ZNF66: variants seen among roughly 807,000 people sequenced by gnomAD.
ZNF66 encodes zinc finger protein 66.
In ZNF66, 32 loss-of-function variants were observed where a neutral mutation model predicts 35.2. That is an observed-to-expected ratio of 0.91 (90% CI 0.69 to 1.22). The LOEUF (loss-of-function observed/expected upper bound fraction) is 1.22, where lower values mean the gene tolerates loss of function less well. Ranked by LOEUF, ZNF66 falls within the 50% of genes most tolerant of loss-of-function variation. The pLI is 0.00. For synonymous variants in ZNF66, 231 were observed against 181.3 expected (o/e 1.27, Z -2.20); for missense variants, 666 against 543.1 (o/e 1.23, Z -2.25).
chr19:20,784,609 T>C (rs1157877778), intron 1 of ZNF66: 3 of 152,166 alleles, frequency 2.0e-5, no homozygotes, highest in Non-Finnish European at 4.4e-5. Flanking sequence ...AAAAGTGTTG[T>C]TTGAAGTTGT....
rs1031037554 is a variant in ZNF66, at chr19:20,809,583, C to T, written c.*2261C>T. Among the ~76,000 whole-genome samples, 2 of 151,514 alleles carry T rather than the reference C, an allele frequency of 1.3e-5. No homozygotes were observed. The highest frequency in any genetic ancestry group is 6.6e-5 in the Admixed American group (1 of 15,214). ...GAATTTCATATCCAGCCAAACTAAG[C>T]TTCATAAGTGAAGGAGAAATAAAAT... On this transcript the variant is annotated 3_prime_UTR_variant, in exon 4 of 4. Transcript: ENST00000344519.
rs1310822963 is a variant in ZNF66 at position 20,808,325 on chromosome 19, CT to C, written c.*1004del. Among the ~76,000 whole-genome samples, 3 of 152,238 alleles carry C rather than the reference CT, an allele frequency of 2.0e-5. No homozygotes were observed. The highest frequency in any genetic ancestry group is 6.5e-5 in the Admixed American group (1 of 15,278). On this transcript the variant is annotated 3_prime_UTR_variant, in exon 4 of 4. Transcript: ENST00000344519. ...GTAACCTCTGCAGACTTAAACGTCC[CT>C]GTCTGACAGCTTTGAAGAGAGTAGT...
At chr19:20,791,661 A>C (rs1250900401) in intron 1 of ZNF66, among the ~76,000 whole-genome samples, 1 of 152,122 alleles carries the variant, frequency 6.6e-6, no homozygotes, top group Admixed American at 6.6e-5. Flanking sequence ...TGAGGTTTGC[A>C]TAAAACTGAT....
rs750579153 is a variant in ZNF66 at position 20,807,127 on chromosome 19, C to T, written c.1527C>T (p.Tyr509=). The T allele has an allele frequency of 2.5e-6, 2 of 799,596 alleles. No individual in the cohort carries two copies. Among genetic ancestry groups the T allele is most frequent in the Non-Finnish European group, 4.4e-6 (2 of 449,596 alleles). 49.5% of individuals were successfully genotyped at this position (799,596 alleles called of 1,614,324 possible). A position where few individuals can be genotyped will look rare whatever the true frequency, so the allele number is the denominator to read the frequency against. ...GAATTCATACTGCAGATAAACCCTA[C>T]AAATGTGAAGAATGTGGCAAAGACT... The part of the protein sequence containing the change: ...HKRIHTADKP[Y]KCEECGKDFK... The change falls in exon 4 of 4, where the codon TAC becomes TAT. Residue 509 remains tyrosine (Y), a synonymous_variant. Transcript: ENST00000344519.
rs145335437 is a variant in ZNF66 at position 20,808,808 on chromosome 19, C to T, written c.*1486C>T. Among the ~76,000 whole-genome samples the T allele has an allele frequency of 0.078, 11,867 of 152,036 alleles. 490 individuals are homozygous for T. Among genetic ancestry groups the T allele is most frequent in the Middle Eastern group, 0.11 (33 of 292 alleles). ...GAGCACCTCTCCTCCTCCAAAGGAA[C>T]ACAGTTCCCCACCAGCAACAGAACA... On this transcript the variant is annotated 3_prime_UTR_variant, in exon 4 of 4. Coordinates refer to ENST00000344519, the MANE Select transcript of ZNF66 (RefSeq NM_001355197.2).
Position 20,792,531 on chromosome 19 carries a change from A to G in ZNF66, c.23A>G (p.Asp8Gly), listed in dbSNP as rs1340871323. MGPLQFR[D>G]VAIEFSLEEW... The stretch of plus-strand genomic sequence containing the variant: ...TTTCAGGGGCCATTGCAATTTAGAG[A>G]TGTGGCCATAGAATTCTCTCTGGAG... The change falls in exon 2 of 4, where the codon GAT (aspartate) becomes GGT (glycine). Residue 8 changes from aspartate (D) to glycine (G), a missense_variant. Transcript: ENST00000344519. 1 of 1,534,056 alleles carries G rather than the reference A, an allele frequency of 6.5e-7. No homozygotes were observed. The highest frequency in any genetic ancestry group is 1.7e-5 in the Admixed American group (1 of 57,696).
At position 20,809,095 on chromosome 19, in the gene ZNF66, T is replaced by C. The variant is rs1202550072; in HGVS notation, c.*1773T>C. Reference sequence around the variant, plus strand: ...AAGAAAGGGTATCAGTGATGGAAGATGAAATGAATGAAATGAAGTGAGAAG... The same window carrying C: ...AAGAAAGGGTATCAGTGATGGAAGACGAAATGAATGAAATGAAGTGAGAAG... On this transcript the variant is annotated 3_prime_UTR_variant, in exon 4 of 4. Transcript: ENST00000344519. Among the ~76,000 whole-genome samples, 1 of 151,626 alleles carries C rather than the reference T, an allele frequency of 6.6e-6. No homozygotes were observed. Among genetic ancestry groups the C allele is most frequent in the Non-Finnish European group, 1.5e-5 (1 of 67,934 alleles).
chr19:20,804,075 G>A (rs866366491), intron 3 of ZNF66, among the ~76,000 whole-genome samples: 9 of 151,790 alleles, frequency 5.9e-5, no homozygotes, highest in African/African-American at 1.9e-4. Flanking sequence ...ATCTTGGTGT[G>A]TACATTTTTA....
Position 20,809,269 on chromosome 19 carries a change from CAGG to C in ZNF66, c.*1950_*1952del, listed in dbSNP as rs1188212142. On this transcript the variant is annotated 3_prime_UTR_variant, in exon 4 of 4. Transcript: ENST00000344519. The stretch of plus-strand genomic sequence containing the variant: ...GGAAAACACTCTGCAGGATATTATC[CAGG>C]AGAACTTCCCCAATCTAGCAAGGCA... Among the ~76,000 whole-genome samples the C allele has an allele frequency of 6.6e-6, 1 of 152,078 alleles. No individual in the cohort carries two copies. The highest frequency in any genetic ancestry group is 2.4e-5 in the African/African-American group (1 of 41,420).
chr19:20,789,830 G>A (rs1486042807), intron 1 of ZNF66, among the ~76,000 whole-genome samples: 2 of 152,084 alleles, frequency 1.3e-5, no homozygotes, highest in Non-Finnish European at 1.5e-5. Context: ...TCTGTATCAT[G>A]CTCTTGAGCA....
intron 3 of ZNF66, among the ~76,000 whole-genome samples, chr19:20,802,029 C>A (rs1350378354): frequency 6.6e-6 from 1 of 151,338 alleles, no homozygotes; most frequent in Non-Finnish European, 1.5e-5. Context: ...AGTAACAATG[C>A]AGTAATTATG....
intron 3 of ZNF66, among the ~76,000 whole-genome samples, chr19:20,796,146 A>G (rs576703466): frequency 2.9e-4 from 44 of 152,092 alleles, no homozygotes; most frequent in African/African-American, 9.9e-4. Context: ...ACGTTAATGT[A>G]CCATGTATCT....
At chr19:20,793,900 T>C (rs1230117362) in intron 3 of ZNF66, 22 bp downstream of exon 3, 9 of 1,033,790 alleles carry the variant, frequency 8.7e-6, no homozygotes, top group Middle Eastern at 2.1e-4. Context: ...TGAAAATGAA[T>C]ACAACAGACA....
Position 20,806,033 on chromosome 19 carries a change from T to C in ZNF66, c.433T>C (p.Phe145Leu). The change falls in exon 4 of 4, where the codon TTT (phenylalanine) becomes CTT (leucine). Residue 145 changes from phenylalanine (F) to leucine (L), a missense_variant. Transcript: ENST00000344519. ...QCLTTTQSKM[F>L]QCDKHGKVFH... Reference sequence around the variant, plus strand: ...TTTGACAACTACCCAAAGCAAAATGTTTCAATGTGATAAACATGGGAAAGT... The same window carrying C: ...TTTGACAACTACCCAAAGCAAAATGCTTCAATGTGATAAACATGGGAAAGT... 1.2e-6 allele frequency: 1 copy of C among 832,246 alleles called. No homozygotes were observed. The highest frequency in any genetic ancestry group is 1.4e-5 in the South Asian group (1 of 69,186). 51.6% of individuals were successfully genotyped at this position (832,246 alleles called of 1,614,324 possible). A position where few individuals can be genotyped will look rare whatever the true frequency, so the allele number is the denominator to read the frequency against.
intron 3 of ZNF66, among the ~76,000 whole-genome samples, chr19:20,795,004 T>C (rs1971378170): frequency 6.6e-6 from 1 of 151,850 alleles, no homozygotes; most frequent in South Asian, 2.1e-4. Context: ...CCTGAGTAGC[T>C]GGGATTACAG....
At chr19:20,785,759 TTGTTTGTTTGTTTG>T (rs1400485164) in intron 1 of ZNF66, among the ~76,000 whole-genome samples, 6 of 128,236 alleles carry the variant, frequency 4.7e-5, no homozygotes, top group Non-Finnish European at 3.6e-5. Flanking sequence ...CTGTTTTTGT[TTGTTTGTTTGTTTG>T]TTTTTTGAGA....
chr19:20,784,612 G>C (rs1378826722), intron 1 of ZNF66: 1 of 152,126 alleles, frequency 6.6e-6, no homozygotes, highest in Non-Finnish European at 1.5e-5. Flanking sequence ...AGTGTTGTTT[G>C]AAGTTGTCAG....
chr19:20,788,714 A>G (rs1971309576), intron 1 of ZNF66, among the ~76,000 whole-genome samples: 1 of 151,836 alleles, frequency 6.6e-6, no homozygotes, highest in Non-Finnish European at 1.5e-5. Context: ...TATAATTTCT[A>G]TTTCTTTTAC....
At chr19:20,798,475 G>C (rs532682040) in intron 3 of ZNF66, among the ~76,000 whole-genome samples, 1 of 152,116 alleles carries the variant, frequency 6.6e-6, no homozygotes, top group African/African-American at 2.4e-5. Flanking sequence ...GTGTGCAGCT[G>C]TGGTCCCAGC....
Sources: allele counts gnomAD v4.1 joint callset (sites outside exome capture counted in the v4.1 genomes callset), GRCh38; gene constraint gnomAD v4.1.1; transcripts MANE v1.5; gene names NCBI Gene and HGNC (gene_info 2026-07-23, HGNC 2026-07-21).